Variants in HNRNPLL observed in about 807,000 individuals in gnomAD.
The protein encoded by HNRNPLL is heterogeneous nuclear ribonucleoprotein L like, also known as heterogeneous nuclear ribonucleoprotein L-like.
HNRNPLL carries 25 observed loss-of-function variants against 67.1 expected under a neutral mutation model. That is an observed-to-expected ratio of 0.37 (90% CI 0.27 to 0.52). The LOEUF is 0.52. Among genes scored for constraint, HNRNPLL ranks in the 20% least tolerant of loss-of-function variants. The pLI is 0.90. For synonymous variants in HNRNPLL, 267 were observed against 241.7 expected, an observed-to-expected ratio of 1.10 and a Z score of -0.97; for missense variants, 542 against 673.9, an observed-to-expected ratio of 0.80 and a Z score of 2.17.
At chr2:38,595,737 G>C (rs893168664) in intron 1 of HNRNPLL, among the ~76,000 whole-genome samples, 1 of 152,150 alleles carries the variant, frequency 6.6e-6, no homozygotes, top group African/African-American at 2.4e-5. Context: ...CCAGCTACTT[G>C]GAAGGCTGAG....
Position 38,600,255 on chromosome 2 carries a change from A to T in HNRNPLL, c.189+2183T>A, listed in dbSNP as rs928728839. Among the ~76,000 whole-genome samples, 8 of 152,116 alleles carry T rather than the reference A, an allele frequency of 5.3e-5. No individual in the cohort carries two copies. In the Admixed American group the frequency reaches 5.3e-4, roughly 10 times the overall value. ...CAGCAGTAAGATAAACAAAAAAATT[A>T]AAATTTATACCTCAATCTGCTTATA... On this transcript the variant is annotated intron_variant, in intron 1 of 12. Coordinates refer to ENST00000449105, the MANE Select transcript of HNRNPLL (RefSeq NM_138394.4).
At chr2:38,593,113 C>T (rs1667026979) in intron 1 of HNRNPLL, among the ~76,000 whole-genome samples, 1 of 152,230 alleles carries the variant, frequency 6.6e-6, no homozygotes, top group African/African-American at 2.4e-5. Context: ...AATACTAATT[C>T]TATCCTTGGA....
intron 2 of HNRNPLL, among the ~76,000 whole-genome samples, chr2:38,587,983 T>C (rs895689041): frequency 2.0e-5 from 3 of 151,962 alleles, no homozygotes; most frequent in African/African-American, 4.8e-5. Context: ...CTCTTTTTTT[T>C]CTCTCTCTCT....
intron 1 of HNRNPLL, chr2:38,600,026 T>C: frequency 2.5e-6 from 1 of 403,920 alleles, no homozygotes; most frequent in Non-Finnish European, 5.1e-6. Context: ...CACAAGACAG[T>C]AAACTTCTAT....
chr2:38,565,896 C>T (rs965223635), intron 12 of HNRNPLL: 1 of 400,538 alleles, frequency 2.5e-6, no homozygotes, highest in African/African-American at 2.2e-5. Flanking sequence ...ACCTACCCTT[C>T]ACACACAGTT....
In HNRNPLL at chr2:38,566,366, CAAAAAAAAAAAACCA is replaced by C. The variant is rs1421413562; in HGVS notation, c.1573+1818_1573+1832del. Among the ~76,000 whole-genome samples the C allele has an allele frequency of 6.6e-4, 39 of 59,478 alleles. No homozygotes were observed. The Middle Eastern group carries it at 0.027, about 41-fold the overall frequency. 39.0% of individuals were successfully genotyped at this position (59,478 alleles called of 152,430 possible). ...CTGGGGGACAGAGCAAGACTCGTCT[CAAAAAAAAAAAACCA>C]AAAAAAAAAAAACCAAAAAGGCCAT... On this transcript the variant is annotated intron_variant, in intron 12 of 12. Transcript: ENST00000449105.
intron 2 of HNRNPLL, among the ~76,000 whole-genome samples, chr2:38,587,203 G>A (rs944293026): frequency 2.0e-5 from 3 of 152,132 alleles, no homozygotes; most frequent in Non-Finnish European, 4.4e-5. Flanking sequence ...GAAAGAAACA[G>A]ATCACCTTAC....
At position 38,573,144 on chromosome 2, in the gene HNRNPLL, T is replaced by C. The variant is rs112051373; in HGVS notation, c.1092+66A>G. The C allele has an allele frequency of 5.6e-4, 579 of 1,030,612 alleles. 2 individuals are homozygous for C. Among genetic ancestry groups the C allele is most frequent in the Non-Finnish European group, 8.0e-4 (557 of 693,712 alleles). The allele number at this position is 1,030,612 out of a possible 1,614,324, so 63.8% of individuals were successfully genotyped here. ...CCTGATACAAGGAGAAGACACATATTTGCAGCCTTTTCAGAGTTACCACTG... is the reference window on the plus strand; with the variant it reads ...CCTGATACAAGGAGAAGACACATATCTGCAGCCTTTTCAGAGTTACCACTG... On this transcript the variant is annotated intron_variant, in intron 8 of 12. Transcript: ENST00000449105.
intron 12 of HNRNPLL, among the ~76,000 whole-genome samples, chr2:38,567,400 G>C (rs959384345): frequency 1.3e-5 from 2 of 152,130 alleles, no homozygotes; most frequent in Non-Finnish European, 2.9e-5. Context: ...ACAGGCGTGA[G>C]TCACAGTGCC....
chr2:38,585,245 C>A (rs1186561758), intron 3 of HNRNPLL, among the ~76,000 whole-genome samples: 2 of 152,134 alleles, frequency 1.3e-5, no homozygotes, highest in Non-Finnish European at 2.9e-5. Flanking sequence ...CAAGCTATTG[C>A]AAAATAGTTC....
At chr2:38,587,104 C>T (rs1666764685) in intron 2 of HNRNPLL, among the ~76,000 whole-genome samples, 1 of 152,086 alleles carries the variant, frequency 6.6e-6, no homozygotes, top group African/African-American at 2.4e-5. Context: ...ATGTCGGGTC[C>T]AGTACTCAAT....
At chr2:38,575,352 T>C (rs1666260103) in intron 7 of HNRNPLL, among the ~76,000 whole-genome samples, 1 of 151,842 alleles carries the variant, frequency 6.6e-6, no homozygotes, top group Non-Finnish European at 1.5e-5. Flanking sequence ...AAATGCTACA[T>C]AAATGGTATA....
intron 1 of HNRNPLL, among the ~76,000 whole-genome samples, chr2:38,597,005 G>C (rs909232758): frequency 2.0e-5 from 3 of 152,062 alleles, no homozygotes; most frequent in African/African-American, 7.2e-5. Flanking sequence ...CCATTTCAGG[G>C]ACAAACTCTT....
At position 38,573,394 on chromosome 2, in the gene HNRNPLL, C is replaced by A; in HGVS notation, c.908G>T (p.Arg303Leu). 1 of 1,611,004 alleles carries A rather than the reference C, an allele frequency of 6.2e-7. No individual in the cohort carries two copies. Among genetic ancestry groups the A allele is most frequent in the Admixed American group, 1.7e-5 (1 of 59,356 alleles). ...TGTATCTCGAGAGCCCATTCTGTAA[C>A]GACTTGGTAAAGGCAATAATGGACC... Reference protein sequence around the residue: ...SHGPLLPLPSRYRMGSRDTPE... With the variant: ...SHGPLLPLPSLYRMGSRDTPE... The change falls in exon 8 of 13, where the codon CGT (arginine) becomes CTT (leucine). Residue 303 changes from arginine (R) to leucine (L), a missense_variant. Transcript: ENST00000449105.
rs1205703410 is a variant in HNRNPLL at position 38,562,319 on chromosome 2, T to C, written c.*1863A>G. The C allele has an allele frequency of 6.6e-6, 1 of 152,180 alleles. No homozygotes were observed. Among genetic ancestry groups the C allele is most frequent in the Non-Finnish European group, 1.5e-5 (1 of 68,008 alleles). The allele number at this position is 152,180 out of a possible 1,614,324, so 9.4% of individuals were successfully genotyped here. A position where few individuals can be genotyped will look rare whatever the true frequency, so the allele number is the denominator to read the frequency against. Reference sequence around the variant, plus strand: ...AGTTTACTCCCAAACAATTCACTTATTTTGGTGGAGAGAGAGCCTTACAGA... The same window carrying C: ...AGTTTACTCCCAAACAATTCACTTACTTTGGTGGAGAGAGAGCCTTACAGA... On this transcript the variant is annotated 3_prime_UTR_variant, in exon 13 of 13. Coordinates refer to ENST00000449105, the MANE Select transcript of HNRNPLL (RefSeq NM_138394.4).
intron 2 of HNRNPLL, among the ~76,000 whole-genome samples, chr2:38,587,795 T>C (rs752259642): frequency 2.6e-5 from 4 of 152,178 alleles, no homozygotes; most frequent in Non-Finnish European, 5.9e-5. Flanking sequence ...AAACCTCGTA[T>C]TGAATTGTGA....
At position 38,581,974 on chromosome 2, in the gene HNRNPLL, T is replaced by A; in HGVS notation, c.741A>T (p.Leu247=). 1 of 1,611,864 alleles carries A rather than the reference T, an allele frequency of 6.2e-7. No individual in the cohort carries two copies. Among genetic ancestry groups the A allele is most frequent in the Non-Finnish European group, 8.5e-7 (1 of 1,178,012 alleles). ...TGTCATTGTCATTCCTAATAACATT[T>A]AGACGAGTTGGCTGTTAAGATTGAA... ...LKIEYARPTR[L]NVIRNDNDSW... Residue 247 remains leucine (L), a synonymous_variant, in exon 6 of 13, where the codon CTA becomes CTT. Transcript: ENST00000449105.
chr2:38,592,662 A>G (rs1667010897), intron 1 of HNRNPLL, among the ~76,000 whole-genome samples: 2 of 152,250 alleles, frequency 1.3e-5, no homozygotes, highest in South Asian at 4.1e-4. Flanking sequence ...TAGTATCTGT[A>G]CGAATTACTT....
chr2:38,585,906 C>CA (rs1245275987), intron 2 of HNRNPLL, 25 bp from the exon 3 acceptor site: 1 of 1,311,894 alleles, frequency 7.6e-7, no homozygotes, highest in Non-Finnish European at 1.1e-6. Flanking sequence ...AAGGAGGAAA[C>CA]ACACAAACAC....
Sources: gnomAD v4.1 joint callset for allele counts (sites outside exome capture counted in the v4.1 genomes callset) on GRCh38, gnomAD v4.1.1 for gene constraint, MANE v1.5 for transcripts, NCBI Gene and HGNC (gene_info 2026-07-23, HGNC 2026-07-21) for gene names.